The following NR3C2 variants were observed in gnomAD, a reference collection of about 807,000 sequenced individuals.
NR3C2 encodes the protein nuclear receptor subfamily 3 group C member 2, also known as mineralocorticoid receptor.
NR3C2 carries 15 observed loss-of-function variants against 86.4 expected under a neutral mutation model. The observed-to-expected ratio is 0.17, with a 90% CI of 0.12 to 0.27. NR3C2 has a LOEUF of 0.27. Ranked by LOEUF, NR3C2 falls within the 10% of genes least tolerant of loss-of-function variation. The probability of loss-of-function intolerance (pLI) is 1.00; values close to 1 mark genes in which losing one functional copy is unlikely to be tolerated. For missense variants in NR3C2, 960 were observed against 1,195.6 expected (o/e 0.80, Z 2.91); for synonymous variants, 458 against 450.5 (o/e 1.02, Z -0.21).
rs1204792867 is a variant in NR3C2 at position 148,368,993 on chromosome 4, T to C, written c.1757+66111A>G. 7.9e-5 allele frequency among the ~76,000 whole-genome samples: 12 copies of C among 152,202 alleles called. No individual in the cohort carries two copies. In the East Asian group the frequency reaches 1.5e-3, roughly 19 times the overall value. On this transcript the variant is annotated intron_variant, in intron 2 of 8. Transcript: ENST00000358102. ...GAGCTCCATTCTAGCTCCCCTCTTC[T>C]ACCCACTTGCTGCCATTAACTACAT... is the stretch of plus-strand genomic sequence containing the variant.
In NR3C2 at chr4:148,173,478, C is replaced by A. The variant is rs1450817628; in HGVS notation, c.2015-18577G>T. Among the ~76,000 whole-genome samples the A allele has an allele frequency of 9.2e-5, 14 of 152,120 alleles. No homozygotes were observed. In the East Asian group the frequency reaches 2.7e-3, roughly 29 times the overall value. On this transcript the variant is annotated intron_variant, in intron 4 of 8. Coordinates refer to ENST00000358102, the MANE Select transcript of NR3C2 (RefSeq NM_000901.5). ...AATCTGGCTTTGAAGATAGAAGGGG[C>A]CACGAGCCAAAGAATGTGGGCAGCC...
chr4:148,133,953 G>T (rs72648714), intron 6 of NR3C2, among the ~76,000 whole-genome samples: 263 of 152,270 alleles, frequency 1.7e-3, no homozygotes, highest in Non-Finnish European at 3.1e-3. Flanking sequence ...TTTGGAAGAA[G>T]AAAACAGCTA....
At chr4:148,117,778 G>T (rs535499073) in intron 7 of NR3C2, among the ~76,000 whole-genome samples, 1 of 152,184 alleles carries the variant, frequency 6.6e-6, no homozygotes, top group African/African-American at 2.4e-5. Flanking sequence ...TACGCATTCG[G>T]AAATCCTGAG....
chr4:148,327,294 T>A (rs1317020256), intron 2 of NR3C2, among the ~76,000 whole-genome samples: 2 of 152,188 alleles, frequency 1.3e-5, no homozygotes, highest in Non-Finnish European at 2.9e-5. Flanking sequence ...GAAAGAAATA[T>A]TTCAATTTCT....
At chr4:148,184,830 A>G (rs554302461) in intron 4 of NR3C2, among the ~76,000 whole-genome samples, 21 of 152,304 alleles carry the variant, frequency 1.4e-4, no homozygotes, top group South Asian at 4.1e-4. Flanking sequence ...AATGATTCCA[A>G]TATCAGACAA....
At chr4:148,084,584 G>C (rs549017853) in intron 8 of NR3C2, among the ~76,000 whole-genome samples, 1 of 152,110 alleles carries the variant, frequency 6.6e-6, no homozygotes, top group African/African-American at 2.4e-5. Context: ...AAAGACCATC[G>C]ATGCTATGAA....
intron 2 of NR3C2, among the ~76,000 whole-genome samples, chr4:148,324,164 T>A (rs572845160): frequency 2.0e-5 from 3 of 152,344 alleles, no homozygotes; most frequent in African/African-American, 7.2e-5. Context: ...CATCCTTAAC[T>A]GGATAAAGAG....
chr4:148,420,726 G>A (rs1264678635), intron 2 of NR3C2, among the ~76,000 whole-genome samples: 2 of 152,102 alleles, frequency 1.3e-5, no homozygotes, highest in African/African-American at 4.8e-5. Flanking sequence ...GAATCACAGG[G>A]GTGAATCCTT....
chr4:148,153,153 C>A (rs1298830843), intron 5 of NR3C2, among the ~76,000 whole-genome samples: 1 of 152,122 alleles, frequency 6.6e-6, no homozygotes, highest in Non-Finnish European at 1.5e-5. Flanking sequence ...TCCTCCCTGC[C>A]TGACAGACTC....
chr4:148,310,478 A>AT (rs1215610024), intron 2 of NR3C2, among the ~76,000 whole-genome samples: 1 of 152,242 alleles, frequency 6.6e-6, no homozygotes, highest in Non-Finnish European at 1.5e-5. Flanking sequence ...AGAACTATGT[A>AT]TATCATCTCC....
chr4:148,282,602 C>G (rs879457646), intron 2 of NR3C2, among the ~76,000 whole-genome samples: 1 of 152,006 alleles, frequency 6.6e-6, no homozygotes, highest in African/African-American at 2.4e-5. Flanking sequence ...AAGTCTCCAA[C>G]GAGAAAGAGC....
chr4:148,115,294 G>A (rs1732224743), intron 7 of NR3C2, among the ~76,000 whole-genome samples: 3 of 152,188 alleles, frequency 2.0e-5, no homozygotes, highest in South Asian at 4.1e-4. Context: ...GGACATTTGT[G>A]AACGTACTTT....
chr4:148,274,315 T>C (rs1001639460), intron 2 of NR3C2, among the ~76,000 whole-genome samples: 2 of 152,200 alleles, frequency 1.3e-5, no homozygotes, highest in Non-Finnish European at 2.9e-5. Flanking sequence ...TACCTCACAA[T>C]GGCATGTATT....
intron 2 of NR3C2, among the ~76,000 whole-genome samples, chr4:148,386,780 C>T (rs902553758): frequency 2.0e-5 from 3 of 152,200 alleles, no homozygotes; most frequent in Non-Finnish European, 2.9e-5. Context: ...AGAATGTTAA[C>T]TTCTTTCTAC....
At chr4:148,250,417 C>T (rs1047676463) in intron 3 of NR3C2, among the ~76,000 whole-genome samples, 34 of 152,088 alleles carry the variant, frequency 2.2e-4, no homozygotes, top group African/African-American at 7.5e-4. Flanking sequence ...AGCTCTAACA[C>T]GAGGACTGAC....
intron 2 of NR3C2, among the ~76,000 whole-genome samples, chr4:148,343,249 A>G (rs1200251973): frequency 6.6e-6 from 1 of 152,132 alleles, no homozygotes; most frequent in Non-Finnish European, 1.5e-5. Context: ...GCTGTCCTTC[A>G]TTCTGCTGGT....
At chr4:148,439,457 C>G (rs748184144) in intron 1 of NR3C2, among the ~76,000 whole-genome samples, 1 of 152,146 alleles carries the variant, frequency 6.6e-6, no homozygotes, top group African/African-American at 2.4e-5. Flanking sequence ...GGAAGTTACT[C>G]TTGTCTCAAC....
intron 8 of NR3C2, among the ~76,000 whole-genome samples, chr4:148,108,646 G>A (rs550150334): frequency 2.5e-4 from 38 of 152,242 alleles, no homozygotes; most frequent in South Asian, 2.1e-4. Flanking sequence ...TCCTTCTGTC[G>A]TGCAGAGAAG....
At chr4:148,205,987 C>T (rs1736986000) in intron 3 of NR3C2, among the ~76,000 whole-genome samples, 1 of 152,052 alleles carries the variant, frequency 6.6e-6, no homozygotes, top group South Asian at 2.1e-4. Flanking sequence ...ACCGTGAGGA[C>T]TTGTTAGACC....
Sources: gnomAD v4.1 joint callset for allele counts (sites outside exome capture counted in the v4.1 genomes callset) on GRCh38, gnomAD v4.1.1 for gene constraint, MANE v1.5 for transcripts, NCBI Gene and HGNC (gene_info 2026-07-23, HGNC 2026-07-21) for gene names.